LRRC37A2: variants seen among roughly 807,000 people sequenced by gnomAD.
LRRC37A2 encodes the protein leucine-rich repeat-containing protein 37A2.
LRRC37A2 carries 9 observed loss-of-function variants against 68.8 expected under a neutral mutation model. That is an observed-to-expected ratio of 0.13 (90% CI 0.08 to 0.23). LRRC37A2 has a LOEUF of 0.23. Ranked by LOEUF, LRRC37A2 falls within the 10% of genes least tolerant of loss-of-function variation. The pLI, the probability that LRRC37A2 is intolerant of heterozygous loss-of-function variation, is 1.00. For synonymous variants in LRRC37A2, 63 were observed against 367.6 expected (o/e 0.17, Z 9.48); for missense variants, 168 against 950.4 (o/e 0.18, Z 10.82).
chr17:46,488,896 A>G, the LRRC37A2 span, among the ~76,000 whole-genome samples: 2 of 103,876 alleles, frequency 1.9e-5, 1 homozygote, highest in Non-Finnish European at 4.3e-5. Context: ...ACCACAATTT[A>G]TCTATTTTCC....
the LRRC37A2 span, among the ~76,000 whole-genome samples, chr17:46,865,348 G>C: frequency 2.6e-5 from 4 of 152,196 alleles, no homozygotes; most frequent in Non-Finnish European, 5.9e-5. Flanking sequence ...GACAGGAAGT[G>C]GGGCTGTGCT....
At chr17:46,502,342 C>G in the LRRC37A2 span, among the ~76,000 whole-genome samples, 1 of 151,192 alleles carries the variant, frequency 6.6e-6, no homozygotes, top group Non-Finnish European at 1.5e-5. Context: ...TGGAGTTTCA[C>G]TCTTGTTCCC....
chr17:46,791,133 C>T, the LRRC37A2 span, among the ~76,000 whole-genome samples: 1 of 152,152 alleles, frequency 6.6e-6, no homozygotes, highest in African/African-American at 2.4e-5. Context: ...AGCCTTTTCC[C>T]TACTGGGTTG....
chr17:46,709,397 G>C, the LRRC37A2 span, among the ~76,000 whole-genome samples: 1 of 152,018 alleles, frequency 6.6e-6, no homozygotes, highest in Non-Finnish European at 1.5e-5. Context: ...ATATATCTTG[G>C]GAGAGTCACT....
the LRRC37A2 span, among the ~76,000 whole-genome samples, chr17:46,859,898 T>C: frequency 3.9e-5 from 6 of 152,338 alleles, no homozygotes; most frequent in East Asian, 7.7e-4. Flanking sequence ...TGTGCAGGCA[T>C]TGAAAATTTA....
the LRRC37A2 span, chr17:46,751,717 T>G: frequency 3.1e-6 from 2 of 654,206 alleles, no homozygotes; most frequent in East Asian, 5.9e-5. Flanking sequence ...TTAATTTAAG[T>G]TTTGATTTTC....
the LRRC37A2 span, among the ~76,000 whole-genome samples, chr17:46,488,693 A>G: frequency 8.5e-5 from 12 of 141,970 alleles, no homozygotes; most frequent in African/African-American, 2.4e-4. Context: ...TGACAGAACG[A>G]GACTCTGTCT....
At chr17:46,862,163 CA>C in the LRRC37A2 span, among the ~76,000 whole-genome samples, 19,884 of 80,000 alleles carry the variant, frequency 0.25, 1,057 homozygotes, top group East Asian at 0.43. Flanking sequence ...AACTCCGTCT[CA>C]AAAAAAAAAA....
chr17:46,783,347 G>A, the LRRC37A2 span, among the ~76,000 whole-genome samples: 1 of 152,222 alleles, frequency 6.6e-6, no homozygotes, highest in African/African-American at 2.4e-5. Flanking sequence ...TCAGAGAGCA[G>A]GTTGAAGTCT....
chr17:46,491,212 A>G, the LRRC37A2 span, among the ~76,000 whole-genome samples: 1 of 151,194 alleles, frequency 6.6e-6, no homozygotes, highest in African/African-American at 2.5e-5. Flanking sequence ...ATATGTATGT[A>G]TTTTTTACAA....
the LRRC37A2 span, chr17:46,979,000 G>A: frequency 2.8e-6 from 4 of 1,413,338 alleles, no homozygotes; most frequent in South Asian, 1.5e-5. Flanking sequence ...CAGGAAGGTC[G>A]CGTTCATCGC....
the LRRC37A2 span, among the ~76,000 whole-genome samples, chr17:46,988,022 A>C: frequency 6.6e-6 from 1 of 152,092 alleles, no homozygotes; most frequent in Non-Finnish European, 1.5e-5. Context: ...AAATACAAAA[A>C]TTAGCCAGGC....
At chr17:47,027,958 A>C in the LRRC37A2 span, among the ~76,000 whole-genome samples, 6 of 152,194 alleles carry the variant, frequency 3.9e-5, no homozygotes, top group African/African-American at 1.4e-4. Context: ...ACATCCTTCA[A>C]GGTATAAGAC....
the LRRC37A2 span, among the ~76,000 whole-genome samples, chr17:46,841,238 A>G: frequency 6.6e-6 from 1 of 152,154 alleles, no homozygotes; most frequent in Middle Eastern, 3.2e-3. Flanking sequence ...CTTTCTCCCT[A>G]TTTACAGTCG....
chr17:47,000,584 C>G, the LRRC37A2 span, among the ~76,000 whole-genome samples: 32 of 152,040 alleles, frequency 2.1e-4, no homozygotes, highest in African/African-American at 7.2e-4. Context: ...CATGGGCACT[C>G]CACCATCATG....
At chr17:46,774,349 C>G in the LRRC37A2 span, among the ~76,000 whole-genome samples, 513 of 152,316 alleles carry the variant, frequency 3.4e-3, 12 homozygotes, top group Admixed American at 0.027. Flanking sequence ...ACTCATGGGA[C>G]ACGCGCGCGC....
At chr17:46,931,505 G>T in the LRRC37A2 span, 1 of 455,744 alleles carries the variant, frequency 2.2e-6, no homozygotes, top group South Asian at 2.6e-5. Context: ...GAAGCCTAAT[G>T]TTGCCATGGA....
At chr17:46,908,076 G>A in the LRRC37A2 span, among the ~76,000 whole-genome samples, 1 of 152,120 alleles carries the variant, frequency 6.6e-6, no homozygotes, top group Non-Finnish European at 1.5e-5. Flanking sequence ...GATTCCAGGA[G>A]GCTAAGGTTT....
Sources: gnomAD v4.1 joint callset for allele counts (sites outside exome capture counted in the v4.1 genomes callset) on GRCh38, gnomAD v4.1.1 for gene constraint, MANE v1.5 for transcripts, NCBI Gene and HGNC (gene_info 2026-07-23, HGNC 2026-07-21) for gene names.